THSD7A: variants seen among roughly 807,000 people sequenced by gnomAD.
THSD7A encodes the protein thrombospondin type-1 domain-containing protein 7A.
A neutral mutation model predicts 231.3 loss-of-function variants in THSD7A; 96 were observed. The observed-to-expected ratio is 0.41, with a 90% CI of 0.35 to 0.49. The LOEUF (loss-of-function observed/expected upper bound fraction) is 0.49, where lower values mean the gene tolerates loss of function less well. Ranked by LOEUF, THSD7A falls within the 20% of genes least tolerant of loss-of-function variation. The probability of loss-of-function intolerance (pLI) is 0.05; values close to 1 mark genes in which losing one functional copy is unlikely to be tolerated. For missense variants in THSD7A, 2,290 were observed against 2,070.2 expected, an observed-to-expected ratio of 1.11 and a Z score of -2.06; for synonymous variants, 940 against 743.3, an observed-to-expected ratio of 1.26 and a Z score of -4.30.
chr7:11,793,064 T>A (rs1447628685), intron 1 of THSD7A, among the ~76,000 whole-genome samples: 1 of 151,942 alleles, frequency 6.6e-6, no homozygotes, highest in Non-Finnish European at 1.5e-5. Context: ...TATAAAACTG[T>A]TTGATATCTT....
At chr7:11,510,869 G>C (rs533107801) in intron 6 of THSD7A, among the ~76,000 whole-genome samples, 1 of 152,140 alleles carries the variant, frequency 6.6e-6, no homozygotes, top group East Asian at 1.9e-4. Flanking sequence ...TTTGAAAACT[G>C]GCACAAGACA....
intron 1 of THSD7A, among the ~76,000 whole-genome samples, chr7:11,668,039 C>G (rs993400976): frequency 6.6e-6 from 1 of 152,146 alleles, no homozygotes; most frequent in Non-Finnish European, 1.5e-5. Flanking sequence ...CAAGATTAGG[C>G]TATGAGTCTT....
At chr7:11,447,643 G>T (rs773652181) in intron 11 of THSD7A, among the ~76,000 whole-genome samples, 8 of 152,064 alleles carry the variant, frequency 5.3e-5, no homozygotes, top group Non-Finnish European at 1.2e-4. Context: ...TTGTGGCACA[G>T]AAAAGTGGAC....
chr7:11,714,051 A>G (rs1442221922), intron 1 of THSD7A, among the ~76,000 whole-genome samples: 1 of 151,236 alleles, frequency 6.6e-6, no homozygotes, highest in Non-Finnish European at 1.5e-5. Context: ...GTGTCTGTAC[A>G]TTGGGTCACA....
In THSD7A at chr7:11,730,424, T is replaced by G. The variant is rs1240401794; in HGVS notation, c.191-93463A>C. On this transcript the variant is annotated intron_variant, in intron 1 of 27. Coordinates refer to ENST00000423059, the MANE Select transcript of THSD7A (RefSeq NM_015204.3). ...TTTTTCTTTTTAATTTATATTTATA[T>G]TATTGTCTTATAAAAGTTCATGTTT... Among the ~76,000 whole-genome samples the G allele has an allele frequency of 2.0e-5, 3 of 151,594 alleles. No individual in the cohort carries two copies. The East Asian group carries it at 5.8e-4, about 29-fold the overall frequency.
chr7:11,670,028 C>T (rs556029551), intron 1 of THSD7A, among the ~76,000 whole-genome samples: 18 of 151,872 alleles, frequency 1.2e-4, no homozygotes, highest in Non-Finnish European at 2.2e-4. Flanking sequence ...TATGTGTGTG[C>T]TACAAATAAA....
At chr7:11,698,680 T>C (rs1014822321) in intron 1 of THSD7A, among the ~76,000 whole-genome samples, 5 of 151,352 alleles carry the variant, frequency 3.3e-5, no homozygotes, top group African/African-American at 4.8e-5. Flanking sequence ...CACAGAGCTG[T>C]TCTGGGCTGA....
rs562381212 is a variant in THSD7A at position 11,442,853 on chromosome 7, T to C, written c.3064+3208A>G. 3.3e-5 allele frequency among the ~76,000 whole-genome samples: 5 copies of C among 152,230 alleles called. No homozygotes were observed. In the East Asian group the frequency reaches 5.8e-4, roughly 18 times the overall value. ...AGAACCATTCACTTCATTAAGGATC[T>C]TTCTGAGATCCTTTCGGAATCCCCA... is the stretch of plus-strand genomic sequence containing the variant. On this transcript the variant is annotated intron_variant, in intron 13 of 27. Transcript: ENST00000423059.
chr7:11,676,364 A>C (rs901708346), intron 1 of THSD7A, among the ~76,000 whole-genome samples: 1 of 152,176 alleles, frequency 6.6e-6, no homozygotes, highest in Non-Finnish European at 1.5e-5. Context: ...CTTCTCCTCC[A>C]AAGGATCACA....
At chr7:11,448,271 C>T (rs1210176286) in intron 11 of THSD7A, among the ~76,000 whole-genome samples, 1 of 152,094 alleles carries the variant, frequency 6.6e-6, no homozygotes, top group Non-Finnish European at 1.5e-5. Flanking sequence ...TGAACATATA[C>T]ATATGAGTGT....
intron 1 of THSD7A, among the ~76,000 whole-genome samples, chr7:11,745,431 A>C (rs1459799470): frequency 1.3e-5 from 2 of 152,120 alleles, no homozygotes; most frequent in Admixed American, 1.3e-4. Context: ...TTTGCTGTGC[A>C]GAAGCTCTTT....
At chr7:11,565,443 C>T (rs1386861765) in intron 4 of THSD7A, among the ~76,000 whole-genome samples, 3 of 152,178 alleles carry the variant, frequency 2.0e-5, no homozygotes, top group Non-Finnish European at 4.4e-5. Context: ...GCTCTGTTGT[C>T]ATGCGAAGAA....
intron 1 of THSD7A, among the ~76,000 whole-genome samples, chr7:11,725,962 T>A (rs1781531741): frequency 6.6e-6 from 1 of 152,032 alleles, no homozygotes; most frequent in Non-Finnish European, 1.5e-5. Context: ...GGAAAATGAA[T>A]CTTATGAATT....
chr7:11,749,209 C>T (rs1782417856), intron 1 of THSD7A, among the ~76,000 whole-genome samples: 1 of 151,990 alleles, frequency 6.6e-6, no homozygotes. Flanking sequence ...ACATTCTGCT[C>T]CTTGCCCTGT....
chr7:11,685,788 C>T (rs1165733622), intron 1 of THSD7A, among the ~76,000 whole-genome samples: 3 of 151,818 alleles, frequency 2.0e-5, no homozygotes, highest in African/African-American at 7.3e-5. Flanking sequence ...ATTAAATTAG[C>T]CCCTGTGCAA....
At chr7:11,395,598 G>C (rs1783153471) in intron 23 of THSD7A, among the ~76,000 whole-genome samples, 1 of 150,060 alleles carries the variant, frequency 6.7e-6, no homozygotes, top group African/African-American at 2.5e-5. Context: ...CACTATCTCA[G>C]CTCACTGCAA....
chr7:11,548,779 A>G (rs1406038021), intron 4 of THSD7A, among the ~76,000 whole-genome samples: 5 of 152,130 alleles, frequency 3.3e-5, no homozygotes, highest in African/African-American at 9.7e-5. Flanking sequence ...ATAGACGCAG[A>G]AAAGTCTTTT....
chr7:11,412,026 G>A (rs1337788558), intron 18 of THSD7A, among the ~76,000 whole-genome samples: 1 of 152,008 alleles, frequency 6.6e-6, no homozygotes, highest in Non-Finnish European at 1.5e-5. Context: ...AATTACTTGG[G>A]AAAAATTCCA....
At chr7:11,434,102 C>T (rs1249925658) in intron 13 of THSD7A, among the ~76,000 whole-genome samples, 3 of 151,998 alleles carry the variant, frequency 2.0e-5, no homozygotes, top group African/African-American at 7.2e-5. Flanking sequence ...ATTCCCCTGC[C>T]TTCTCTGCTC....
Sources: gnomAD v4.1 joint callset for allele counts (sites outside exome capture counted in the v4.1 genomes callset) on GRCh38, gnomAD v4.1.1 for gene constraint, MANE v1.5 for transcripts, NCBI Gene and HGNC (gene_info 2026-07-23, HGNC 2026-07-21) for gene names.